The following STT3B variants were observed in gnomAD, a reference collection of about 807,000 sequenced individuals.
The protein encoded by STT3B is dolichyl-diphosphooligosaccharide--protein glycosyltransferase subunit STT3B.
A neutral mutation model predicts 96.8 loss-of-function variants in STT3B; 29 were observed. The ratio of observed to expected loss-of-function variants is 0.30; its 90% confidence interval spans 0.22 to 0.41. The LOEUF (loss-of-function observed/expected upper bound fraction) is 0.41. Among genes scored for constraint, STT3B ranks in the 10% least tolerant of loss-of-function variants. The pLI is 1.00. For missense variants in STT3B, 640 were observed against 1,022.3 expected (o/e 0.63, Z 5.10); for synonymous variants, 367 against 360.0 (o/e 1.02, Z -0.22).
Position 31,547,921 on chromosome 3 carries a change from T to C in STT3B, c.314+14609T>C, listed in dbSNP as rs1291066757. ...GCAGTGCTTCAGGCAGCATGACTTA[T>C]TTTCATGTCACCTCAGATTTCTTGG... On this transcript the variant is annotated intron_variant, in intron 1 of 15. Transcript: ENST00000295770. 2.6e-5 allele frequency among the ~76,000 whole-genome samples: 4 copies of C among 152,202 alleles called. No individual in the cohort carries two copies. The East Asian group carries it at 7.7e-4, about 29-fold the overall frequency.
chr3:31,594,023 T>G (rs1351229710), intron 3 of STT3B, among the ~76,000 whole-genome samples: 2 of 152,168 alleles, frequency 1.3e-5, no homozygotes, highest in Non-Finnish European at 2.9e-5. Context: ...AAAAATAGCT[T>G]ATCCGAACAT....
rs761552097 is a variant in STT3B at position 31,576,428 on chromosome 3, C to T, written c.347C>T (p.Ser116Phe). 10 of 1,604,058 alleles carry T rather than the reference C, an allele frequency of 6.2e-6. No homozygotes were observed. The East Asian group carries it at 2.3e-4, about 36-fold the overall frequency. The part of the protein sequence containing the change: ...FNYRSTHHLA[S>F]HGFYEFLNWF... ...TATAGATCAACACATCATCTTGCATCTCATGGGTTCTATGAATTTTTAAAT... is the reference window on the plus strand; with the variant it reads ...TATAGATCAACACATCATCTTGCATTTCATGGGTTCTATGAATTTTTAAAT... The change falls in exon 2 of 16, where the codon TCT (serine) becomes TTT (phenylalanine). Residue 116 changes from serine (S) to phenylalanine (F), a missense_variant. Coordinates refer to ENST00000295770, the MANE Select transcript of STT3B (RefSeq NM_178862.3).
At chr3:31,585,843 A>C (rs1048012673) in intron 3 of STT3B, among the ~76,000 whole-genome samples, 15 of 152,088 alleles carry the variant, frequency 9.9e-5, no homozygotes, top group Non-Finnish European at 2.1e-4. Flanking sequence ...GCTGAATAGT[A>C]CTCCATTATA....
intron 9 of STT3B, among the ~76,000 whole-genome samples, chr3:31,621,023 A>G (rs1007687524): frequency 3.9e-5 from 6 of 152,254 alleles, no homozygotes; most frequent in African/African-American, 1.2e-4. Context: ...AAGTGAGTGC[A>G]TATGTCTACC....
chr3:31,597,640 G>T (rs1322119746), intron 4 of STT3B, among the ~76,000 whole-genome samples: 2 of 152,044 alleles, frequency 1.3e-5, no homozygotes, highest in South Asian at 2.1e-4. Flanking sequence ...AAAATATTTT[G>T]TAGAGACAGA....
At chr3:31,615,332 T>C in intron 6 of STT3B, 129 bp downstream of exon 6, 1 of 651,722 alleles carries the variant, frequency 1.5e-6, no homozygotes, top group Non-Finnish European at 2.6e-6. Flanking sequence ...GACTCACAAT[T>C]ATGGGAAATC....
chr3:31,558,645 C>T (rs1457011003), intron 1 of STT3B, among the ~76,000 whole-genome samples: 1 of 152,078 alleles, frequency 6.6e-6, no homozygotes, highest in Non-Finnish European at 1.5e-5. Context: ...TTGTAGTATC[C>T]TTGTCTAGTT....
Position 31,623,838 on chromosome 3 carries a change from C to A in STT3B, c.1704C>A (p.Val568=). Residue 568 remains valine (V), a synonymous_variant, in exon 11 of 16, where the codon GTC becomes GTA. Transcript: ENST00000295770. ...TSNAYSSPSV[V]LASYNHDGTR... Reference sequence around the variant, plus strand: ...ATGCCTACTCTAGTCCAAGTGTAGTCCTGGCCTCATACAATCATGATGGGT... The same window carrying A: ...ATGCCTACTCTAGTCCAAGTGTAGTACTGGCCTCATACAATCATGATGGGT... 1 of 1,609,658 alleles carries A rather than the reference C, an allele frequency of 6.2e-7. No homozygotes were observed. Among genetic ancestry groups the A allele is most frequent in the Non-Finnish European group, 8.5e-7 (1 of 1,177,330 alleles).
intron 3 of STT3B, among the ~76,000 whole-genome samples, chr3:31,592,593 CAT>C (rs1019084034): frequency 1.1e-4 from 16 of 152,202 alleles, no homozygotes; most frequent in African/African-American, 3.4e-4. Flanking sequence ...CTTGTCAACA[CAT>C]GTTATTTTCT....
intron 1 of STT3B, among the ~76,000 whole-genome samples, chr3:31,534,964 A>G (rs1053025876): frequency 1.3e-5 from 2 of 152,228 alleles, no homozygotes; most frequent in African/African-American, 2.4e-5. Flanking sequence ...GTTAGATAAA[A>G]ATGAAATTGG....
At chr3:31,626,521 T>A (rs1340205417) in intron 13 of STT3B, among the ~76,000 whole-genome samples, 2 of 152,162 alleles carry the variant, frequency 1.3e-5, no homozygotes, top group African/African-American at 4.8e-5. Flanking sequence ...CAGTGTAAGA[T>A]AAAATTGATC....
chr3:31,550,980 T>A (rs1221510859), intron 1 of STT3B, among the ~76,000 whole-genome samples: 1 of 152,142 alleles, frequency 6.6e-6, no homozygotes, highest in Non-Finnish European at 1.5e-5. Context: ...GAATTTTGGG[T>A]ATATATGAAG....
intron 1 of STT3B, among the ~76,000 whole-genome samples, chr3:31,567,116 T>C (rs745689098): frequency 3.3e-5 from 5 of 152,172 alleles, no homozygotes; most frequent in Non-Finnish European, 7.3e-5. Context: ...ACTTGGAGTC[T>C]ATGTGTGGTT....
intron 9 of STT3B, among the ~76,000 whole-genome samples, chr3:31,621,532 ATAGT>A (rs1173947419): frequency 2.2e-4 from 34 of 152,338 alleles, no homozygotes; most frequent in Admixed American, 1.1e-3. Flanking sequence ...TCAGCCAGAA[ATAGT>A]TAGAGTCTTT....
intron 3 of STT3B, among the ~76,000 whole-genome samples, chr3:31,582,760 T>G (rs1698439685): frequency 6.6e-6 from 1 of 152,198 alleles, no homozygotes; most frequent in Admixed American, 6.5e-5. Flanking sequence ...TTGTTTTCAT[T>G]CATCTCTGAG....
Position 31,610,890 on chromosome 3 carries a change from C to A in STT3B, c.878-4215C>A, listed in dbSNP as rs938053465. On this transcript the variant is annotated intron_variant, in intron 5 of 15. Transcript: ENST00000295770. Reference sequence around the variant, plus strand: ...CCAGTAATGAATGCCAGTAACTGTGCATCCACAGGATGGCAGTGTGGTAAC... The same window carrying A: ...CCAGTAATGAATGCCAGTAACTGTGAATCCACAGGATGGCAGTGTGGTAAC... 2.0e-5 allele frequency among the ~76,000 whole-genome samples: 3 copies of A among 152,178 alleles called. No homozygotes were observed. The East Asian group carries it at 5.8e-4, about 29-fold the overall frequency.
At chr3:31,588,355 A>C (rs1462187579) in intron 3 of STT3B, among the ~76,000 whole-genome samples, 1 of 151,988 alleles carries the variant, frequency 6.6e-6, no homozygotes, top group East Asian at 1.9e-4. Context: ...ATTTCTTTTA[A>C]ATCAGTTAGG....
At chr3:31,624,255 T>G (rs1488650882) in intron 11 of STT3B, among the ~76,000 whole-genome samples, 2 of 152,224 alleles carry the variant, frequency 1.3e-5, no homozygotes, top group African/African-American at 4.8e-5. Context: ...AGCCTCTGCC[T>G]TGTGCTCCTG....
chr3:31,625,650 G>A (rs781711059), intron 12 of STT3B, among the ~76,000 whole-genome samples: 7 of 152,184 alleles, frequency 4.6e-5, no homozygotes, highest in Non-Finnish European at 7.3e-5. Context: ...CCTGGCCTGC[G>A]GTTGTGAGAA....
Sources: allele counts gnomAD v4.1 joint callset (sites outside exome capture counted in the v4.1 genomes callset), GRCh38; gene constraint gnomAD v4.1.1; transcripts MANE v1.5; gene names NCBI Gene and HGNC (gene_info 2026-07-23, HGNC 2026-07-21).